Variants in LRMDA observed in about 807,000 individuals in gnomAD.
LRMDA encodes the protein leucine rich melanocyte differentiation associated.
In LRMDA, 18 loss-of-function variants were observed where a neutral mutation model predicts 29.8. The observed-to-expected ratio is 0.60, with a 90% CI of 0.42 to 0.90. The LOEUF is 0.90. LRMDA is among the 40% of genes least tolerant of loss of function. LRMDA has a pLI of 0.00. For synonymous variants in LRMDA, 125 were observed against 109.4 expected (o/e 1.14, Z -0.89); for missense variants, 273 against 273.9 (o/e 1.00, Z 0.02).
chr10:75,562,178 A>T (rs1358927794), intron 2 of LRMDA, among the ~76,000 whole-genome samples: 4 of 152,156 alleles, frequency 2.6e-5, no homozygotes, highest in Middle Eastern at 3.4e-3. Flanking sequence ...GTCTCTTTGT[A>T]GGTCATTCAG....
At chr10:76,254,233 C>A (rs1457537908) in intron 5 of LRMDA, among the ~76,000 whole-genome samples, 1 of 151,720 alleles carries the variant, frequency 6.6e-6, no homozygotes, top group African/African-American at 2.4e-5. Context: ...TTAGTAGCAT[C>A]CTTCCTTCTT....
intron 5 of LRMDA, among the ~76,000 whole-genome samples, chr10:76,239,853 T>A (rs937011490): frequency 1.3e-5 from 2 of 152,058 alleles, no homozygotes; most frequent in African/African-American, 4.8e-5. Flanking sequence ...TCATGGTAAC[T>A]CTGTGAGGTG....
intron 2 of LRMDA, among the ~76,000 whole-genome samples, chr10:75,845,496 A>G (rs949268290): frequency 2.0e-5 from 3 of 152,110 alleles, no homozygotes; most frequent in Non-Finnish European, 4.4e-5. Flanking sequence ...CCTCATTGGC[A>G]TTTGGCAGTC....
intron 2 of LRMDA, among the ~76,000 whole-genome samples, chr10:75,955,496 G>A (rs1024904386): frequency 1.3e-5 from 2 of 152,142 alleles, no homozygotes; most frequent in Non-Finnish European, 2.9e-5. Context: ...TTTGTTTCTG[G>A]CCCAAGGTGG....
intron 6 of LRMDA, among the ~76,000 whole-genome samples, chr10:76,346,082 A>T (rs1841105454): frequency 6.6e-6 from 1 of 152,182 alleles, no homozygotes; most frequent in African/African-American, 2.4e-5. Flanking sequence ...TTTTGTGTTT[A>T]AAAGCACAAA....
intron 6 of LRMDA, among the ~76,000 whole-genome samples, chr10:76,545,061 G>A (rs1025392379): frequency 1.3e-5 from 2 of 152,102 alleles, no homozygotes; most frequent in Middle Eastern, 3.2e-3. Flanking sequence ...TGGACCAATG[G>A]GCCCAAGTAA....
At chr10:75,542,858 C>T (rs374823362) in intron 2 of LRMDA, among the ~76,000 whole-genome samples, 21 of 152,176 alleles carry the variant, frequency 1.4e-4, no homozygotes, top group African/African-American at 4.6e-4. Flanking sequence ...GCAGGCCCTT[C>T]GGAAATCTCC....
chr10:75,492,960 T>C (rs996437019), intron 2 of LRMDA, among the ~76,000 whole-genome samples: 1 of 152,186 alleles, frequency 6.6e-6, no homozygotes, highest in Admixed American at 6.5e-5. Context: ...TGAAGGAATA[T>C]AACGGATGTC....
intron 2 of LRMDA, among the ~76,000 whole-genome samples, chr10:75,885,490 A>G (rs943041624): frequency 6.3e-4 from 96 of 152,172 alleles, no homozygotes; most frequent in African/African-American, 2.2e-3. Flanking sequence ...TCTGTAACTA[A>G]GGAGGCCCAG....
At chr10:75,560,458 A>G (rs1304085235) in intron 2 of LRMDA, among the ~76,000 whole-genome samples, 3 of 150,762 alleles carry the variant, frequency 2.0e-5, no homozygotes, top group Non-Finnish European at 3.0e-5. Flanking sequence ...TTTTCTAGAT[A>G]TACAATCATG....
At chr10:76,518,462 T>TAAG (rs1843086324) in intron 6 of LRMDA, among the ~76,000 whole-genome samples, 1 of 152,132 alleles carries the variant, frequency 6.6e-6, no homozygotes, top group African/African-American at 2.4e-5. Context: ...TTTTAAAATC[T>TAAG]AAGTTTGTAT....
chr10:76,153,212 A>T (rs1589353398), intron 5 of LRMDA, among the ~76,000 whole-genome samples: 2 of 152,242 alleles, frequency 1.3e-5, no homozygotes, highest in East Asian at 3.9e-4. Context: ...TATATTCTGG[A>T]TACTAAACCT....
intron 5 of LRMDA, among the ~76,000 whole-genome samples, chr10:76,232,622 C>A (rs1474127111): frequency 2.0e-5 from 3 of 152,220 alleles, no homozygotes; most frequent in Admixed American, 2.0e-4. Flanking sequence ...ACCACACTAG[C>A]TGCTGCAGGA....
At chr10:76,032,205 G>T (rs1848160729) in intron 2 of LRMDA, among the ~76,000 whole-genome samples, 1 of 152,304 alleles carries the variant, frequency 6.6e-6, no homozygotes, top group Admixed American at 6.5e-5. Context: ...AAAGGATGAA[G>T]GTCACTGATT....
At chr10:75,535,235 C>G (rs1278914919) in intron 2 of LRMDA, among the ~76,000 whole-genome samples, 1 of 152,030 alleles carries the variant, frequency 6.6e-6, no homozygotes, top group Non-Finnish European at 1.5e-5. Flanking sequence ...AACATTCTCA[C>G]AAAGATTTCA....
chr10:76,099,281 A>G (rs1849360507), intron 5 of LRMDA, among the ~76,000 whole-genome samples: 1 of 152,262 alleles, frequency 6.6e-6, no homozygotes, highest in African/African-American at 2.4e-5. Flanking sequence ...ACCTATGCCC[A>G]GGAATGAACA....
intron 2 of LRMDA, among the ~76,000 whole-genome samples, chr10:75,862,306 A>G (rs1544054): frequency 0.8 from 121,162 of 152,116 alleles, 48,829 homozygotes; most frequent in East Asian, 0.98. Flanking sequence ...TTTATCAGGA[A>G]ATACTTTTAT....
At position 76,235,694 on chromosome 10, in the gene LRMDA, G is replaced by A. The variant is rs142542180; in HGVS notation, c.517-88707G>A. ...AATTCATGACTATTGAGTTACAGGA[G>A]TAGAAGCTTGGAATTTCTGGGGGCT... is the stretch of plus-strand genomic sequence containing the variant. On this transcript the variant is annotated intron_variant, in intron 5 of 6. Transcript: ENST00000611255. Among the ~76,000 whole-genome samples, 234 of 152,278 alleles carry A rather than the reference G, an allele frequency of 1.5e-3. 1 individual carries two copies. Among genetic ancestry groups the A allele is most frequent in the African/African-American group, 5.3e-3 (220 of 41,546 alleles).
intron 2 of LRMDA, among the ~76,000 whole-genome samples, chr10:75,440,939 A>G (rs1335006879): frequency 6.6e-6 from 1 of 152,166 alleles, no homozygotes; most frequent in Non-Finnish European, 1.5e-5. Context: ...TGGGAGGCTG[A>G]GGCAGGAGAA....
Sources: allele counts gnomAD v4.1 joint callset (sites outside exome capture counted in the v4.1 genomes callset), GRCh38; gene constraint gnomAD v4.1.1; transcripts MANE v1.5; gene names NCBI Gene and HGNC (gene_info 2026-07-23, HGNC 2026-07-21).